EFNB2: variants seen among roughly 807,000 people sequenced by gnomAD.
The protein encoded by EFNB2 is ephrin B2.
A neutral mutation model predicts 32.1 loss-of-function variants in EFNB2; 5 were observed. That is an observed-to-expected ratio of 0.16 (90% CI 0.08 to 0.33). The LOEUF is 0.33. EFNB2 is among the 10% of genes least tolerant of loss of function. EFNB2 has a pLI of 1.00. For synonymous variants in EFNB2, 168 were observed against 166.5 expected, an observed-to-expected ratio of 1.01 and a Z score of -0.07; for missense variants, 263 against 422.6, an observed-to-expected ratio of 0.62 and a Z score of 3.31.
chr13:106,505,536 C>T (rs965862670), intron 2 of EFNB2, among the ~76,000 whole-genome samples: 7 of 152,104 alleles, frequency 4.6e-5, no homozygotes, highest in African/African-American at 1.7e-4. Flanking sequence ...ACACTCAGCC[C>T]GAGATTTTGA....
At chr13:106,525,908 C>G (rs1187213424) in intron 1 of EFNB2, among the ~76,000 whole-genome samples, 1 of 152,206 alleles carries the variant, frequency 6.6e-6, no homozygotes, top group Non-Finnish European at 1.5e-5. Context: ...TGATGCTCCC[C>G]CAACAAGGCA....
chr13:106,511,508 G>A (rs568626145), intron 2 of EFNB2, among the ~76,000 whole-genome samples: 55 of 152,168 alleles, frequency 3.6e-4, no homozygotes, highest in Admixed American at 6.5e-4. Context: ...AATAAAGTGC[G>A]GCTCATAGGT....
At chr13:106,497,849 G>A (rs1878642081) in intron 2 of EFNB2, among the ~76,000 whole-genome samples, 1 of 152,022 alleles carries the variant, frequency 6.6e-6, no homozygotes, top group Non-Finnish European at 1.5e-5. Context: ...CCTATTTCTG[G>A]ACCATTTCAG....
intron 1 of EFNB2, among the ~76,000 whole-genome samples, chr13:106,527,779 A>T (rs1178823804): frequency 2.6e-5 from 4 of 152,260 alleles, no homozygotes; most frequent in Admixed American, 2.6e-4. Flanking sequence ...CTTCTGAAAT[A>T]TCTTCTCACA....
chr13:106,513,726 G>A (rs1351822064), intron 1 of EFNB2, among the ~76,000 whole-genome samples: 1 of 150,714 alleles, frequency 6.6e-6, no homozygotes, highest in Admixed American at 6.7e-5. Flanking sequence ...CCTTCTACAA[G>A]TGCTAACACT....
chr13:106,499,933 T>C (rs1304995356), intron 2 of EFNB2, among the ~76,000 whole-genome samples: 2 of 152,176 alleles, frequency 1.3e-5, no homozygotes, highest in Non-Finnish European at 2.9e-5. Flanking sequence ...GCAAAAAAGT[T>C]CCTTGCGTTC....
chr13:106,501,759 AT>A (rs1182648963), intron 2 of EFNB2, among the ~76,000 whole-genome samples: 3 of 151,910 alleles, frequency 2.0e-5, no homozygotes, highest in Non-Finnish European at 4.4e-5. Context: ...CACCCGGCTC[AT>A]TTTTTGTATT....
Position 106,535,536 on chromosome 13 carries a change from G to C in EFNB2, c.-572C>G, listed in dbSNP as rs939760064. Reference sequence around the variant, plus strand: ...CCCGGCCCCCAGGGCAGGAAAGAGGGAGCTCGGTCCCCGCCGCGGGCTCCG... The same window carrying C: ...CCCGGCCCCCAGGGCAGGAAAGAGGCAGCTCGGTCCCCGCCGCGGGCTCCG... On this transcript the variant is annotated 5_prime_UTR_variant, in exon 1 of 5. Transcript: ENST00000646441. The C allele has an allele frequency of 1.3e-5, 2 of 149,758 alleles. No homozygotes were observed. The highest frequency in any genetic ancestry group is 4.9e-5 in the African/African-American group (2 of 41,048). The allele number at this position is 149,758 out of a possible 1,614,324, so 9.3% of individuals were successfully genotyped here.
intron 2 of EFNB2, among the ~76,000 whole-genome samples, chr13:106,509,493 T>C (rs1008913107): frequency 8.5e-5 from 13 of 152,204 alleles, no homozygotes; most frequent in Admixed American, 4.6e-4. Flanking sequence ...AACCAACGAT[T>C]TGAAGTGTTA....
intron 1 of EFNB2, among the ~76,000 whole-genome samples, chr13:106,528,475 A>AC (rs1879771183): frequency 6.6e-6 from 1 of 150,554 alleles, no homozygotes; most frequent in African/African-American, 2.5e-5. Flanking sequence ...CTCTTTAAAA[A>AC]AAAAAAACAA....
intron 1 of EFNB2, among the ~76,000 whole-genome samples, chr13:106,526,242 A>G (rs1302570250): frequency 6.6e-6 from 1 of 152,180 alleles, no homozygotes; most frequent in East Asian, 1.9e-4. Context: ...ATGACAGTTA[A>G]AACAGGGTAA....
At chr13:106,526,153 G>A (rs971980561) in intron 1 of EFNB2, among the ~76,000 whole-genome samples, 1 of 152,166 alleles carries the variant, frequency 6.6e-6, no homozygotes, top group African/African-American at 2.4e-5. Flanking sequence ...AGGGGATTCT[G>A]GTGCCCTAAA....
intron 1 of EFNB2, chr13:106,521,751 T>C (rs1241036044): frequency 1.3e-5 from 2 of 149,826 alleles, no homozygotes; most frequent in African/African-American, 2.5e-5. Flanking sequence ...AGTATTCTCA[T>C]AGTTTAAGCT....
At position 106,535,476 on chromosome 13, in the gene EFNB2, C is replaced by G. The variant is rs1880047224; in HGVS notation, c.-512G>C. ...GAGCACGGAGCGGAGTAGGGCGCCT[C>G]CGGGCGCGCAGGAGCCTTCTCAGTC... On this transcript the variant is annotated 5_prime_UTR_variant, in exon 1 of 5. Coordinates refer to ENST00000646441, the MANE Select transcript of EFNB2 (RefSeq NM_004093.4). 6.7e-6 allele frequency: 1 copy of G among 150,148 alleles called. No homozygotes were observed. Among genetic ancestry groups the G allele is most frequent in the Non-Finnish European group, 1.5e-5 (1 of 67,378 alleles). 9.3% of individuals were successfully genotyped at this position (150,148 alleles called of 1,614,324 possible).
rs1354632400 is a variant in EFNB2 at position 106,491,748 on chromosome 13, G to C, written c.*1292C>G. The C allele has an allele frequency of 6.6e-6, 1 of 152,540 alleles. No homozygotes were observed. Among genetic ancestry groups the C allele is most frequent in the Non-Finnish European group, 1.5e-5 (1 of 68,090 alleles). The allele number at this position is 152,540 out of a possible 1,614,324, so 9.4% of individuals were successfully genotyped here. On this transcript the variant is annotated 3_prime_UTR_variant, in exon 5 of 5. Transcript: ENST00000646441. Reference sequence around the variant, plus strand: ...GGGGAAGGAGGAACCTGGGGGGAGGGGGATCTGACCTACCTTTTATAGATA... The same window carrying C: ...GGGGAAGGAGGAACCTGGGGGGAGGCGGATCTGACCTACCTTTTATAGATA...
chr13:106,494,781 CTAACTGGT>C (rs1878533999), intron 4 of EFNB2, 92 bp downstream of exon 4: 1 of 868,628 alleles, frequency 1.2e-6, no homozygotes, highest in African/African-American at 1.7e-5. Flanking sequence ...CCAGCTAATC[CTAACTGGT>C]TAGAAGTCTT....
At chr13:106,511,577 C>T (rs1377330520) in intron 2 of EFNB2, among the ~76,000 whole-genome samples, 2 of 152,134 alleles carry the variant, frequency 1.3e-5, no homozygotes, top group Admixed American at 6.5e-5. Context: ...TTTTAGAGTC[C>T]ACCTTGGGGC....
At chr13:106,530,505 T>C (rs745885691) in intron 1 of EFNB2, among the ~76,000 whole-genome samples, 1 of 152,214 alleles carries the variant, frequency 6.6e-6, no homozygotes, top group African/African-American at 2.4e-5. Flanking sequence ...ATTAGGCTGA[T>C]AGGAGGACCA....
At chr13:106,501,123 A>G (rs191612908) in intron 2 of EFNB2, among the ~76,000 whole-genome samples, 15 of 152,346 alleles carry the variant, frequency 9.8e-5, no homozygotes, top group African/African-American at 3.4e-4. Flanking sequence ...CAAGAATTCA[A>G]TTTCTGAAAC....
Sources: allele counts gnomAD v4.1 joint callset (sites outside exome capture counted in the v4.1 genomes callset), GRCh38; gene constraint gnomAD v4.1.1; transcripts MANE v1.5; gene names NCBI Gene and HGNC (gene_info 2026-07-23, HGNC 2026-07-21).